Variants in ATXN1 observed in about 807,000 individuals in gnomAD.
ATXN1 encodes the protein ataxin 1.
Under a neutral mutation model 56.4 loss-of-function variants are expected in ATXN1, and 8 were observed. That is an observed-to-expected ratio of 0.14 (90% CI 0.08 to 0.26). ATXN1 has a LOEUF of 0.26. Among genes scored for constraint, ATXN1 ranks in the 10% least tolerant of loss-of-function variants. ATXN1 has a pLI of 1.00. For synonymous variants in ATXN1, 514 were observed against 494.6 expected (o/e 1.04, Z -0.52); for missense variants, 987 against 1,106.5 (o/e 0.89, Z 1.53).
rs1046854905 is a variant in ATXN1 at position 16,759,530 on chromosome 6, G to GTTTTTTTTTT, written c.-730+1758_-730+1767dup. Among the ~76,000 whole-genome samples the GTTTTTTTTTT allele has an allele frequency of 1.1e-4, 5 of 45,926 alleles. 1 individual carries two copies. The highest frequency in any genetic ancestry group is 1.3e-3 in the East Asian group (2 of 1,528). The allele number at this position is 45,926 out of a possible 152,430, so 30.1% of individuals were successfully genotyped here. A position where few individuals can be genotyped will look rare whatever the true frequency, so the allele number is the denominator to read the frequency against. On this transcript the variant is annotated intron_variant, in intron 1 of 7. Coordinates refer to ENST00000436367, the MANE Select transcript of ATXN1 (RefSeq NM_001128164.2). ...ATTATATAACCAGCTTCTTCCGACT[G>GTTTTTTTTTT]TTTTTTTTTTTTTTTTTTTTTTTTT... is the stretch of plus-strand genomic sequence containing the variant.
intron 2 of ATXN1, among the ~76,000 whole-genome samples, chr6:16,724,650 T>C (rs3828868): frequency 0.31 from 46,450 of 152,060 alleles, 7,301 homozygotes; most frequent in East Asian, 0.39. Flanking sequence ...GCAAATTAGA[T>C]AGATGCACTG....
chr6:16,543,457 G>A (rs1027993152), intron 4 of ATXN1, among the ~76,000 whole-genome samples: 3 of 151,856 alleles, frequency 2.0e-5, no homozygotes, highest in African/African-American at 7.3e-5. Context: ...TTGCACATAT[G>A]CTAAAGGCAG....
chr6:16,330,385 CCTTCCTTTTTT>C (rs1760953981), intron 6 of ATXN1, among the ~76,000 whole-genome samples: 1 of 144,504 alleles, frequency 6.9e-6, no homozygotes, highest in Non-Finnish European at 1.5e-5. Context: ...TTCCTTCCTT[CCTTCCTTTTTT>C]TTTTTTTTTT....
At chr6:16,472,183 C>T (rs1760233520) in intron 6 of ATXN1, among the ~76,000 whole-genome samples, 1 of 152,108 alleles carries the variant, frequency 6.6e-6, no homozygotes, top group South Asian at 2.1e-4. Context: ...CACCCCACTT[C>T]CAAAAATAAG....
chr6:16,537,954 T>C (rs955794834), intron 4 of ATXN1, among the ~76,000 whole-genome samples: 1 of 152,006 alleles, frequency 6.6e-6, no homozygotes, highest in Non-Finnish European at 1.5e-5. Flanking sequence ...AATACAAAAA[T>C]TAGCCAGGCA....
At chr6:16,664,022 C>A (rs955388865) in intron 2 of ATXN1, among the ~76,000 whole-genome samples, 1 of 152,198 alleles carries the variant, frequency 6.6e-6, no homozygotes, top group Non-Finnish European at 1.5e-5. Flanking sequence ...GCATGTGATG[C>A]ATCACCGAAG....
intron 4 of ATXN1, among the ~76,000 whole-genome samples, chr6:16,562,600 G>C (rs937984425): frequency 1.3e-5 from 2 of 152,072 alleles, no homozygotes; most frequent in Non-Finnish European, 2.9e-5. Context: ...AGAGGTCTAG[G>C]AGTAACCACT....
rs950543180 is a variant in ATXN1, at chr6:16,344,598, G to C, written c.-160-16128C>G. On this transcript the variant is annotated intron_variant, in intron 6 of 7. Transcript: ENST00000436367. Reference sequence around the variant, plus strand: ...GAAGTTCTTCAGCTTTTGGACTCTTGGACCTACACTAATGGTTGGCCAGGG... The same window carrying C: ...GAAGTTCTTCAGCTTTTGGACTCTTCGACCTACACTAATGGTTGGCCAGGG... Among the ~76,000 whole-genome samples the C allele has an allele frequency of 2.0e-5, 3 of 151,728 alleles. 1 individual carries two copies. Among genetic ancestry groups the C allele is most frequent in the Non-Finnish European group, 4.4e-5 (3 of 67,928 alleles).
intron 6 of ATXN1, among the ~76,000 whole-genome samples, chr6:16,373,075 T>C (rs6934233): frequency 0.14 from 20,927 of 152,168 alleles, 1,556 homozygotes; most frequent in Middle Eastern, 0.16. Context: ...GAGGGACACA[T>C]AGGGCCATGT....
chr6:16,663,253 GC>G (rs1758361470), intron 2 of ATXN1, among the ~76,000 whole-genome samples: 1 of 152,076 alleles, frequency 6.6e-6, no homozygotes, highest in Non-Finnish European at 1.5e-5. Flanking sequence ...ACAGGCAGGA[GC>G]CACCGTGCCC....
intron 6 of ATXN1, among the ~76,000 whole-genome samples, chr6:16,475,393 G>C (rs886731464): frequency 6.6e-6 from 1 of 152,164 alleles, no homozygotes; most frequent in Non-Finnish European, 1.5e-5. Context: ...CTTCAGCAAC[G>C]CATCATGATA....
chr6:16,610,670 A>G (rs1424157277), intron 3 of ATXN1, among the ~76,000 whole-genome samples: 1 of 152,148 alleles, frequency 6.6e-6, no homozygotes, highest in Non-Finnish European at 1.5e-5. Flanking sequence ...TCCCTAATCA[A>G]TCAAAAATTT....
At chr6:16,754,335 A>C (rs1341077613) in intron 1 of ATXN1, among the ~76,000 whole-genome samples, 1 of 152,190 alleles carries the variant, frequency 6.6e-6, no homozygotes. Context: ...GCTGATTTTA[A>C]ACTTAGTTTG....
chr6:16,759,998 A>G (rs969127408), intron 1 of ATXN1, among the ~76,000 whole-genome samples: 2 of 150,732 alleles, frequency 1.3e-5, no homozygotes, highest in African/African-American at 4.9e-5. Flanking sequence ...GCACAAATAC[A>G]CACACACAGT....
Position 16,581,195 on chromosome 6 carries a change from CTGTG to C in ATXN1, c.-361+4581_-361+4584del, listed in dbSNP as rs60028007. 4.7e-3 allele frequency among the ~76,000 whole-genome samples: 663 copies of C among 140,230 alleles called. 6 individuals carry two copies. The highest frequency in any genetic ancestry group is 0.011 in the African/African-American group (431 of 37,548). The allele number at this position is 140,230 out of a possible 152,430, so 92.0% of individuals were successfully genotyped here. A position where few individuals can be genotyped will look rare whatever the true frequency, so the allele number is the denominator to read the frequency against. On this transcript the variant is annotated intron_variant, in intron 4 of 7. Coordinates refer to ENST00000436367, the MANE Select transcript of ATXN1 (RefSeq NM_001128164.2). ...AAAAGACCCCATGTTCGAGAATGCA[CTGTG>C]TGTGTGTGTGTGTGTGTGTGTGTGT...
intron 4 of ATXN1, among the ~76,000 whole-genome samples, chr6:16,529,538 T>C (rs1039678397): frequency 3.3e-5 from 5 of 152,198 alleles, no homozygotes; most frequent in Admixed American, 1.3e-4. Flanking sequence ...CTAAGCGCAA[T>C]GTTAATAACC....
At chr6:16,404,531 G>T (rs755998738) in intron 6 of ATXN1, among the ~76,000 whole-genome samples, 1 of 152,116 alleles carries the variant, frequency 6.6e-6, no homozygotes, top group African/African-American at 2.4e-5. Context: ...GCTGAGTGAG[G>T]GGGCATTTTG....
At chr6:16,350,661 C>G (rs1761546691) in intron 6 of ATXN1, among the ~76,000 whole-genome samples, 1 of 152,230 alleles carries the variant, frequency 6.6e-6, no homozygotes, top group Admixed American at 6.5e-5. Context: ...AAAGACGGGT[C>G]TGCCCTTTGC....
intron 4 of ATXN1, among the ~76,000 whole-genome samples, chr6:16,570,649 T>C (rs1762316121): frequency 6.6e-6 from 1 of 152,202 alleles, no homozygotes; most frequent in Non-Finnish European, 1.5e-5. Flanking sequence ...AGTTTACCTT[T>C]AATGGAAGAG....
Sources: gnomAD v4.1 joint callset for allele counts (sites outside exome capture counted in the v4.1 genomes callset) on GRCh38, gnomAD v4.1.1 for gene constraint, MANE v1.5 for transcripts, NCBI Gene and HGNC (gene_info 2026-07-23, HGNC 2026-07-21) for gene names.